The following TEX11 variants were observed in gnomAD, a reference collection of about 807,000 sequenced individuals.
TEX11 encodes testis expressed 11.
In TEX11, 7 loss-of-function variants were observed where a neutral mutation model predicts 84.4. The ratio of observed to expected loss-of-function variants is 0.08; its 90% CI spans 0.05 to 0.16. The LOEUF is 0.16. TEX11 is among the 10% of genes least tolerant of loss of function. TEX11 has a pLI of 1.00. For synonymous variants in TEX11, 264 were observed against 222.8 expected (o/e 1.18, Z -1.64); for missense variants, 551 against 660.5 (o/e 0.83, Z 1.82).
At chrX:70,687,850 AAAAG>A (rs2090201588) in intron 13 of TEX11, among the ~76,000 whole-genome samples, 1 of 108,228 alleles carries the variant, frequency 9.2e-6, no homozygotes, top group African/African-American at 3.4e-5. Flanking sequence ...TGTTTCAAAG[AAAAG>A]AAAGAAAGGA....
intron 13 of TEX11, among the ~76,000 whole-genome samples, chrX:70,710,833 ATT>A (rs1371798572): frequency 9.0e-6 from 1 of 111,059 alleles, no homozygotes; most frequent in Non-Finnish European, 1.9e-5. Context: ...ACATGTGCAC[ATT>A]GTGCAGGTTT....
chrX:70,861,119 T>C (rs1169418549), intron 4 of TEX11, among the ~76,000 whole-genome samples, 183 bp from the exon 5 acceptor site: 2 of 98,877 alleles, frequency 2.0e-5, no homozygotes, highest in African/African-American at 7.5e-5. Context: ...TGGAGTGCAG[T>C]GGCGGGATCT....
chrX:70,817,953 A>G (rs187755979), intron 8 of TEX11, among the ~76,000 whole-genome samples: 1 of 111,346 alleles, frequency 9.0e-6, no homozygotes, highest in African/African-American at 3.3e-5. Flanking sequence ...AAGAGCTCCC[A>G]GCCCTAGTGT....
chrX:70,847,441 T>A (rs1164527004), intron 7 of TEX11, among the ~76,000 whole-genome samples: 1 of 111,694 alleles, frequency 9.0e-6, no homozygotes, highest in Non-Finnish European at 1.9e-5. Context: ...CCACTGTTGA[T>A]CATCCTTTTC....
In TEX11 at chrX:70,705,733, GA is replaced by G. The variant is rs775081467; in HGVS notation, c.1004+16884del. On this transcript the variant is annotated intron_variant, in intron 13 of 29. Coordinates refer to ENST00000374333, the MANE Select transcript of TEX11 (RefSeq NM_031276.3). ...ATGCTCATCATCACTGGCCATCAGA[GA>G]AATACAAATCAAAACCACAATGAGA... Among the ~76,000 whole-genome samples, 235 of 112,014 alleles carry G rather than the reference GA, an allele frequency of 2.1e-3. 1 individual carries two copies. The highest frequency in any genetic ancestry group is 7.5e-3 in the African/African-American group (232 of 30,865).
intron 23 of TEX11, 83 bp downstream of exon 23, chrX:70,606,876 C>G: frequency 1.9e-6 from 1 of 535,676 alleles, no homozygotes; most frequent in Middle Eastern, 5.4e-4. Context: ...CAATCCTAGT[C>G]TATATTTAGC....
chrX:70,817,216 TATACAC>T (rs1393574584), intron 8 of TEX11, among the ~76,000 whole-genome samples: 22 of 100,198 alleles, frequency 2.2e-4, no homozygotes, highest in Non-Finnish European at 4.0e-4. Flanking sequence ...CACATATTTA[TATACAC>T]ATACACATAC....
chrX:70,715,776 C>G lies in TEX11; in HGVS notation c.1004+6842G>C, dbSNP rs185181897. ...TTGGAGTAGTTTGATCGTCTGAAGC[C>G]TTCTTCTCTCCACTTGTCAAAGTCA... On this transcript the variant is annotated intron_variant, in intron 13 of 29. Coordinates refer to ENST00000374333, the MANE Select transcript of TEX11 (RefSeq NM_031276.3). 2.7e-5 allele frequency among the ~76,000 whole-genome samples: 3 copies of G among 111,875 alleles called. No individual in the cohort carries two copies. In the East Asian group the frequency reaches 8.4e-4, roughly 31 times the overall value.
chrX:70,547,027 C>CAAAAAAAAAAAAAAAA (rs58220663), intron 28 of TEX11, among the ~76,000 whole-genome samples: 1 of 33,872 alleles, frequency 3.0e-5, no homozygotes, highest in Non-Finnish European at 4.7e-5. Flanking sequence ...TATTATTCAG[C>CAAAAAAAAAAAAAAAA]AAAAAAAAAA....
Position 70,554,769 on chromosome X carries a change from C to A in TEX11, c.2172G>T (p.Leu724Phe). The change falls in exon 26 of 30, where the codon TTG becomes TTT. Residue 724 changes from leucine to phenylalanine, a missense_variant. Coordinates refer to ENST00000374333, the MANE Select transcript of TEX11 (RefSeq NM_031276.3). ...TAACTTCAAACTCGTACAGCAGAAG[C>A]AATTTCTCACATGAATCATTTGAGA... ...GTFSNDSCEKLLLLYEFEVRA... is the reference protein window; with the variant it reads ...GTFSNDSCEKFLLLYEFEVRA... 1 of 1,206,325 alleles carries A rather than the reference C, an allele frequency of 8.3e-7. No homozygotes were observed. Among genetic ancestry groups the A allele is most frequent in the Non-Finnish European group, 1.1e-6 (1 of 893,621 alleles).
chrX:70,848,982 A>G (rs1239979555), intron 7 of TEX11, among the ~76,000 whole-genome samples: 1 of 112,283 alleles, frequency 8.9e-6, no homozygotes, highest in Non-Finnish European at 1.9e-5. Context: ...ATGGGGAATT[A>G]GGAGAAACAC....
intron 2 of TEX11, among the ~76,000 whole-genome samples, chrX:70,901,495 G>A (rs1384988687): frequency 9.0e-6 from 1 of 111,598 alleles, no homozygotes; most frequent in Non-Finnish European, 1.9e-5. Context: ...ATTTTTCCAC[G>A]GATGGTGGGG....
At chrX:70,852,018 T>C (rs1209736832) in intron 7 of TEX11, among the ~76,000 whole-genome samples, 1 of 111,794 alleles carries the variant, frequency 8.9e-6, no homozygotes. Context: ...GGGATGTCTT[T>C]TTGGGGTGAC....
chrX:70,854,286 A>T (rs1170139851), intron 5 of TEX11, among the ~76,000 whole-genome samples: 1 of 111,743 alleles, frequency 8.9e-6, no homozygotes, highest in Non-Finnish European at 1.9e-5. Flanking sequence ...AGGGATCAAC[A>T]AAGCCCAAAA....
intron 17 of TEX11, among the ~76,000 whole-genome samples, chrX:70,642,296 G>C (rs1332351456): frequency 1.3e-4 from 14 of 111,272 alleles, no homozygotes; most frequent in Non-Finnish European, 2.3e-4. Context: ...CAACCAAAAA[G>C]AATCCAGGAC....
At chrX:70,518,284 A>C in the TEX11 span, among the ~76,000 whole-genome samples, 1 of 111,646 alleles carries the variant, frequency 9.0e-6, no homozygotes, top group Non-Finnish European at 1.9e-5. Flanking sequence ...GCCTCTACAC[A>C]CTGCTTTAAA....
chrX:70,875,259 C>T (rs952626351), intron 3 of TEX11, among the ~76,000 whole-genome samples: 1 of 110,834 alleles, frequency 9.0e-6, no homozygotes, highest in African/African-American at 3.3e-5. Context: ...ACTTTTGAGA[C>T]TTTATCCTAA....
At chrX:70,673,868 T>C (rs943716764) in intron 15 of TEX11, among the ~76,000 whole-genome samples, 3 of 112,095 alleles carry the variant, frequency 2.7e-5, no homozygotes, top group African/African-American at 6.5e-5. Context: ...TTCTGTTCTA[T>C]TCTCTCTCAG....
chrX:70,544,522 C>CA (rs1478638532), intron 28 of TEX11, among the ~76,000 whole-genome samples: 1 of 110,891 alleles, frequency 9.0e-6, no homozygotes, highest in Admixed American at 9.6e-5. Context: ...GACTTTGTCT[C>CA]AAAAAATATA....
Sources: allele counts gnomAD v4.1 joint callset (sites outside exome capture counted in the v4.1 genomes callset), GRCh38; gene constraint gnomAD v4.1.1; transcripts MANE v1.5; gene names NCBI Gene and HGNC (gene_info 2026-07-23, HGNC 2026-07-21).